The following NOL4 variants were observed in gnomAD, a reference collection of about 807,000 sequenced individuals.
The protein encoded by NOL4 is cancer/testis antigen 125.
A neutral mutation model predicts 75.9 loss-of-function variants in NOL4; 17 were observed. The ratio of observed to expected loss-of-function variants is 0.22; its 90% CI spans 0.15 to 0.34. The LOEUF is 0.34. Among genes scored for constraint, NOL4 ranks in the 10% least tolerant of loss-of-function variants. The probability of loss-of-function intolerance (pLI) is 1.00; values close to 1 mark genes in which losing one functional copy is unlikely to be tolerated. For missense variants in NOL4, 614 were observed against 793.5 expected (o/e 0.77, Z 2.72); for synonymous variants, 292 against 289.9 (o/e 1.01, Z -0.07).
chr18:33,931,589 C>G (rs967982049), intron 9 of NOL4, among the ~76,000 whole-genome samples: 9 of 151,654 alleles, frequency 5.9e-5, no homozygotes, highest in Admixed American at 5.9e-4. Flanking sequence ...TTTTAATTAG[C>G]CAGGTGTGAT....
intron 5 of NOL4, among the ~76,000 whole-genome samples, chr18:34,083,824 C>A (rs2078120514): frequency 6.6e-6 from 1 of 152,122 alleles, no homozygotes; most frequent in Non-Finnish European, 1.5e-5. Context: ...CCTCAGGAAC[C>A]CCAAAGTAAG....
intron 5 of NOL4, among the ~76,000 whole-genome samples, chr18:34,041,004 A>T (rs1034759726): frequency 1.3e-5 from 2 of 151,998 alleles, no homozygotes; most frequent in African/African-American, 4.8e-5. Flanking sequence ...ATATTCTAGG[A>T]TGAAAAAACG....
At chr18:33,997,045 T>A (rs2073341641) in intron 6 of NOL4, among the ~76,000 whole-genome samples, 1 of 151,960 alleles carries the variant, frequency 6.6e-6, no homozygotes, top group Non-Finnish European at 1.5e-5. Flanking sequence ...TTTCCAATTC[T>A]GTATGTTTTC....
chr18:34,219,583 G>C (rs746286956), intron 1 of NOL4, among the ~76,000 whole-genome samples: 1 of 152,232 alleles, frequency 6.6e-6, no homozygotes, highest in African/African-American at 2.4e-5. Context: ...GTGTAAAACA[G>C]AGTTACCATA....
At chr18:34,112,917 C>T (rs181752863) in intron 2 of NOL4, among the ~76,000 whole-genome samples, 132 of 152,196 alleles carry the variant, frequency 8.7e-4, no homozygotes, top group African/African-American at 2.6e-3. Context: ...AGCTTGATTG[C>T]GGTAATAATT....
chr18:33,910,121 A>G (rs1317116936), intron 9 of NOL4, among the ~76,000 whole-genome samples: 1 of 152,176 alleles, frequency 6.6e-6, no homozygotes, highest in East Asian at 1.9e-4. Flanking sequence ...GCTCTTGAGG[A>G]TTTTGTTTAA....
At chr18:33,882,395 G>T (rs1190243630) in intron 10 of NOL4, among the ~76,000 whole-genome samples, 25 of 150,430 alleles carry the variant, frequency 1.7e-4, no homozygotes, top group South Asian at 6.3e-4. Flanking sequence ...AGTGGGTGAA[G>T]GACATGAACA....
intron 5 of NOL4, among the ~76,000 whole-genome samples, chr18:34,074,101 A>C (rs1347453776): frequency 6.6e-6 from 1 of 151,854 alleles, no homozygotes; most frequent in Non-Finnish European, 1.5e-5. Context: ...TTTGTAGAAT[A>C]AGAAAAAAGG....
intron 10 of NOL4, among the ~76,000 whole-genome samples, chr18:33,857,833 A>T (rs77861347): frequency 0.031 from 4,784 of 152,226 alleles, 120 homozygotes; most frequent in Non-Finnish European, 0.05. Context: ...TTATGTTTTA[A>T]CAAACTTTGT....
At chr18:33,986,157 T>A (rs1261330688) in intron 6 of NOL4, among the ~76,000 whole-genome samples, 7 of 152,130 alleles carry the variant, frequency 4.6e-5, no homozygotes, top group African/African-American at 1.4e-4. Flanking sequence ...AGGCAAACCA[T>A]GTTATATTCT....
chr18:33,982,867 T>C (rs1600142949), intron 6 of NOL4, among the ~76,000 whole-genome samples: 2 of 151,346 alleles, frequency 1.3e-5, no homozygotes, highest in South Asian at 4.2e-4. Flanking sequence ...TCTCCTGCCT[T>C]AGCCTCCCAC....
intron 9 of NOL4, among the ~76,000 whole-genome samples, chr18:33,898,972 C>A (rs1166613791): frequency 6.6e-6 from 1 of 152,168 alleles, no homozygotes; most frequent in African/African-American, 2.4e-5. Flanking sequence ...CCTCACAACA[C>A]CCATCCCCAC....
At chr18:34,106,763 G>A (rs1285204334) in intron 2 of NOL4, among the ~76,000 whole-genome samples, 3 of 151,688 alleles carry the variant, frequency 2.0e-5, no homozygotes, top group African/African-American at 7.3e-5. Flanking sequence ...TTTACAGAGG[G>A]AATAAACACT....
intron 6 of NOL4, among the ~76,000 whole-genome samples, chr18:34,008,884 A>C (rs2074211158): frequency 6.6e-6 from 1 of 151,972 alleles, no homozygotes; most frequent in South Asian, 2.1e-4. Flanking sequence ...CAGAATGAAA[A>C]AGTGTATGGG....
At chr18:34,170,041 A>T (rs1335222954) in intron 1 of NOL4, among the ~76,000 whole-genome samples, 1 of 152,196 alleles carries the variant, frequency 6.6e-6, no homozygotes, top group African/African-American at 2.4e-5. Flanking sequence ...ACTGGCAATC[A>T]TAAGCATATT....
intron 10 of NOL4, among the ~76,000 whole-genome samples, chr18:33,875,518 T>C (rs2063892686): frequency 6.6e-6 from 1 of 151,958 alleles, no homozygotes; most frequent in South Asian, 2.1e-4. Flanking sequence ...GGCAAGATTT[T>C]CTATTGCTAT....
intron 9 of NOL4, among the ~76,000 whole-genome samples, chr18:33,929,965 G>A (rs868158117): frequency 6.6e-6 from 1 of 152,036 alleles, no homozygotes; most frequent in Non-Finnish European, 1.5e-5. Context: ...ACACTGGTAA[G>A]CTAGTACTGA....
chr18:33,969,287 C>T (rs901902485), intron 6 of NOL4, among the ~76,000 whole-genome samples: 18 of 152,212 alleles, frequency 1.2e-4, no homozygotes, highest in Admixed American at 3.9e-4. Context: ...ATATTACCTT[C>T]GATATGGACT....
At position 34,082,378 on chromosome 18, in the gene NOL4, A is replaced by T. The variant is rs991677730; in HGVS notation, c.772+11087T>A. On this transcript the variant is annotated intron_variant, in intron 5 of 10. Transcript: ENST00000261592. ...TTGTATACCAGAAAAAGAAAAAAAA[A>T]AAGTGTCCACCTCAAATGGCTCTAG... 7.2e-5 allele frequency among the ~76,000 whole-genome samples: 11 copies of T among 152,282 alleles called. No individual in the cohort carries two copies. In the South Asian group the frequency reaches 1.9e-3, roughly 26 times the overall value.
Sources: allele counts gnomAD v4.1 joint callset (sites outside exome capture counted in the v4.1 genomes callset), GRCh38; gene constraint gnomAD v4.1.1; transcripts MANE v1.5; gene names NCBI Gene and HGNC (gene_info 2026-07-23, HGNC 2026-07-21).